Variants in ACTL6A observed in about 807,000 individuals in gnomAD.
ACTL6A encodes the protein actin-like protein 6A.
A neutral mutation model predicts 59.2 loss-of-function variants in ACTL6A; 5 were observed. The observed-to-expected ratio is 0.08, with a 90% CI of 0.04 to 0.18. ACTL6A has a LOEUF of 0.18. Ranked by LOEUF, ACTL6A falls within the 10% of genes least tolerant of loss-of-function variation. ACTL6A has a pLI of 1.00. For synonymous variants in ACTL6A, 154 were observed against 171.8 expected (o/e 0.90, Z 0.81); for missense variants, 285 against 526.9 (o/e 0.54, Z 4.49).
Position 179,570,044 on chromosome 3 carries a change from T to C in ACTL6A, c.103-23T>C. ...TTCTTGATGAAAGGTGAAACTTGTATGTCATGTTTCTGACTCTTACAGGTG... is the reference window on the plus strand; with the variant it reads ...TTCTTGATGAAAGGTGAAACTTGTACGTCATGTTTCTGACTCTTACAGGTG... On this transcript the variant is annotated intron_variant, in intron 2 of 13. Transcript: ENST00000429709. The surrounding 1 kb of genome is among the most constrained non-coding windows in gnomAD (Gnocchi z 4.3). 1 of 1,606,026 alleles carries C rather than the reference T, an allele frequency of 6.2e-7. No individual in the cohort carries two copies. The highest frequency in any genetic ancestry group is 2.2e-5 in the East Asian group (1 of 44,802).
At chr3:179,583,487 T>A in intron 12 of ACTL6A, 39 bp downstream of exon 12, 1 of 1,499,966 alleles carries the variant, frequency 6.7e-7, no homozygotes, top group Non-Finnish European at 9.2e-7. Context: ...TCTTCAGTCA[T>A]ATATTTCCTC....
intron 11 of ACTL6A, among the ~76,000 whole-genome samples, chr3:179,582,298 C>CTCCTTTT (rs1718362565): frequency 6.6e-6 from 1 of 152,178 alleles, no homozygotes; most frequent in Non-Finnish European, 1.5e-5. Context: ...TTTTCTACTT[C>CTCCTTTT]AAAATTTAGA....
chr3:179,578,225 C>T (rs963425690), intron 8 of ACTL6A, among the ~76,000 whole-genome samples: 2 of 151,986 alleles, frequency 1.3e-5, no homozygotes, highest in East Asian at 1.9e-4. Context: ...GAGGCCGAGG[C>T]GGGTGGATCA....
chr3:179,574,537 A>C, intron 5 of ACTL6A, 70 bp downstream of exon 5: 1 of 1,106,314 alleles, frequency 9.0e-7, no homozygotes, highest in Admixed American at 1.8e-5. Context: ...TAACTCTGGG[A>C]GAAGACATAC....
intron 13 of ACTL6A, 92 bp from the exon 14 acceptor site, chr3:179,587,838 G>A (rs79000506): frequency 0.087 from 81,353 of 938,356 alleles, 4,052 homozygotes; most frequent in South Asian, 0.16. Context: ...CTGGCTGACA[G>A]AGCAAGACCT....
intron 1 of ACTL6A, 103 bp downstream of exon 1, chr3:179,563,220 C>T (rs1218746469): frequency 1.3e-6 from 2 of 1,496,060 alleles, no homozygotes; most frequent in Non-Finnish European, 8.9e-7. Flanking sequence ...TCCGGTCTCC[C>T]CCTCTCGGGA....
At chr3:179,564,069 C>G (rs1370287047) in intron 1 of ACTL6A, among the ~76,000 whole-genome samples, 1 of 152,178 alleles carries the variant, frequency 6.6e-6, no homozygotes, top group African/African-American at 2.4e-5. Flanking sequence ...CCAGCAGTGT[C>G]AGCATCACCT....
intron 1 of ACTL6A, among the ~76,000 whole-genome samples, chr3:179,568,469 T>A (rs1379148761): frequency 1.3e-5 from 2 of 152,034 alleles, no homozygotes; most frequent in Non-Finnish European, 2.9e-5. Context: ...CTTCTTCAGT[T>A]CATGTAACCA....
chr3:179,575,718 A>G (rs1718147367), intron 5 of ACTL6A, among the ~76,000 whole-genome samples: 2 of 152,226 alleles, frequency 1.3e-5, no homozygotes, highest in African/African-American at 4.8e-5. Context: ...CACCTGGAAT[A>G]GTTTTCCCGC....
intron 11 of ACTL6A, among the ~76,000 whole-genome samples, chr3:179,582,150 A>G (rs1301950881): frequency 6.6e-6 from 1 of 152,214 alleles, no homozygotes; most frequent in African/African-American, 2.4e-5. Flanking sequence ...ATAGTAGTAT[A>G]AGTTTGGGAT....
intron 9 of ACTL6A, 91 bp downstream of exon 9, chr3:179,580,792 CTCCCT>C: frequency 7.5e-7 from 1 of 1,340,224 alleles, no homozygotes; most frequent in East Asian, 2.4e-5. Context: ...AATATTCTCA[CTCCCT>C]TTTTTTTTTT....
At chr3:179,565,662 GC>G (rs545226768) in intron 1 of ACTL6A, among the ~76,000 whole-genome samples, 96 of 152,134 alleles carry the variant, frequency 6.3e-4, no homozygotes, top group African/African-American at 2.3e-3. Flanking sequence ...AGTATGTGGT[GC>G]GTTCAGGAGA....
At chr3:179,566,136 T>G (rs551166804) in intron 1 of ACTL6A, among the ~76,000 whole-genome samples, 1 of 152,322 alleles carries the variant, frequency 6.6e-6, no homozygotes, top group South Asian at 2.1e-4. Flanking sequence ...TCAGCAGTGC[T>G]TCAGATGTGT....
At chr3:179,577,146 G>A (rs933445965) in intron 8 of ACTL6A, among the ~76,000 whole-genome samples, 4 of 151,964 alleles carry the variant, frequency 2.6e-5, no homozygotes, top group Non-Finnish European at 4.4e-5. Context: ...TCTGTGAGAG[G>A]CATGCTTTTC....
In ACTL6A at chr3:179,573,373, A is replaced by C. The variant is rs1356785139; in HGVS notation, c.282A>C (p.Glu94Asp). 6.4e-7 allele frequency: 1 copy of C among 1,568,908 alleles called. No individual in the cohort carries two copies. Among genetic ancestry groups the C allele is most frequent in the Admixed American group, 2.0e-5 (1 of 49,672 alleles). ...GTTACTAATCTTATATTCTAGTTGA[A>C]GACTGGGATAGTTTCCAAGCTATTT... is the stretch of plus-strand genomic sequence containing the variant. ...AISPLKNGMVEDWDSFQAILD... is the reference protein window; with the variant it reads ...AISPLKNGMVDDWDSFQAILD... The change falls in exon 4 of 14, where the codon GAA becomes GAC. Residue 94 changes from glutamate (E) to aspartate (D), a missense_variant. Coordinates refer to ENST00000429709, the MANE Select transcript of ACTL6A (RefSeq NM_004301.5).
chr3:179,581,242 CGGTTTAAA>C (rs1560013876), intron 11 of ACTL6A, 22 bp downstream of exon 11: 1 of 1,587,950 alleles, frequency 6.3e-7, no homozygotes, highest in South Asian at 1.1e-5. Context: ...TCTCCTGTTA[CGGTTTAAA>C]GGTATCTTTT....
chr3:179,568,174 CAAAAA>C (rs770514808), intron 1 of ACTL6A, among the ~76,000 whole-genome samples: 9 of 56,402 alleles, frequency 1.6e-4, no homozygotes, highest in Admixed American at 4.0e-4. Context: ...GACTCCGTGT[CAAAAA>C]AAAAAAAAAA....
At chr3:179,565,436 GTGTTATATA>G (rs1451006900) in intron 1 of ACTL6A, among the ~76,000 whole-genome samples, 4 of 149,296 alleles carry the variant, frequency 2.7e-5, no homozygotes, top group Non-Finnish European at 4.4e-5. Context: ...ATATATATGT[GTGTTATATA>G]TGTTATATAT....
chr3:179,582,159 A>G (rs1386976696), intron 11 of ACTL6A, among the ~76,000 whole-genome samples: 2 of 152,170 alleles, frequency 1.3e-5, no homozygotes, highest in African/African-American at 2.4e-5. Flanking sequence ...TAAGTTTGGG[A>G]TTTTTTTAGC....
Sources: allele counts gnomAD v4.1 joint callset (sites outside exome capture counted in the v4.1 genomes callset), GRCh38; gene constraint gnomAD v4.1.1; non-coding constraint Gnocchi (gnomAD v3.1); transcripts MANE v1.5; gene names NCBI Gene and HGNC (gene_info 2026-07-23, HGNC 2026-07-21).